The following SLC1A7 variants were observed in gnomAD, a reference collection of about 807,000 sequenced individuals.
SLC1A7 encodes the protein solute carrier family 1 member 7, also known as excitatory amino acid transporter 5.
SLC1A7 carries 40 observed loss-of-function variants against 47.7 expected under a neutral mutation model. The ratio of observed to expected loss-of-function variants is 0.84; its 90% CI spans 0.65 to 1.09. The LOEUF (loss-of-function observed/expected upper bound fraction) is 1.09, where lower values mean the gene tolerates loss of function less well. Ranked by LOEUF, SLC1A7 falls within the 50% of genes least tolerant of loss-of-function variation. The pLI, the probability that SLC1A7 is intolerant of heterozygous loss-of-function variation, is 0.00. For synonymous variants in SLC1A7, 323 were observed against 325.6 expected (o/e 0.99, Z 0.09); for missense variants, 746 against 769.5 (o/e 0.97, Z 0.36).
intron 2 of SLC1A7, among the ~76,000 whole-genome samples, chr1:53,117,777 G>A (rs1380445299): frequency 6.6e-6 from 1 of 152,222 alleles, no homozygotes; most frequent in East Asian, 1.9e-4. Context: ...TAACACGGGG[G>A]TGGCGCCAAC....
rs1029811932 is a variant in SLC1A7, at chr1:53,098,885, G to T, written c.697+4461C>A. ...TGCCTCATTACACTCACACTGCCTC[G>T]GTACACCCACACCACCGTAGTACAC... On this transcript the variant is annotated intron_variant, in intron 5 of 10. Transcript: ENST00000371494. Among the ~76,000 whole-genome samples, 4 of 142,570 alleles carry T rather than the reference G, an allele frequency of 2.8e-5. No homozygotes were observed. In the South Asian group the frequency reaches 6.9e-4, roughly 25 times the overall value. The allele number at this position is 142,570 out of a possible 152,430, so 93.5% of individuals were successfully genotyped here. A position where few individuals can be genotyped will look rare whatever the true frequency, so the allele number is the denominator to read the frequency against.
chr1:53,111,018 C>T lies in SLC1A7; in HGVS notation c.431+3740G>A, dbSNP rs563300170. Among the ~76,000 whole-genome samples the T allele has an allele frequency of 9.2e-5, 14 of 152,196 alleles. No homozygotes were observed. The Middle Eastern group carries it at 0.014, about 148-fold the overall frequency. The stretch of plus-strand genomic sequence containing the variant: ...CTAGGCTCCAGGATACAGCAGGGAA[C>T]GGAGGTTAAAGAGCCAGGCTTCACA... On this transcript the variant is annotated intron_variant, in intron 3 of 10. Coordinates refer to ENST00000371494, the MANE Select transcript of SLC1A7 (RefSeq NM_006671.6).
At chr1:53,119,348 T>C (rs540303573) in intron 2 of SLC1A7, among the ~76,000 whole-genome samples, 2 of 152,296 alleles carry the variant, frequency 1.3e-5, no homozygotes, top group South Asian at 4.2e-4. Context: ...GCTATGATTT[T>C]ATTTTTTATT....
chr1:53,094,905 T>A (rs548941934), intron 5 of SLC1A7, among the ~76,000 whole-genome samples: 4 of 152,176 alleles, frequency 2.6e-5, no homozygotes, highest in African/African-American at 7.2e-5. Flanking sequence ...ACCAGCCACA[T>A]CCCAGGGATG....
At chr1:53,117,752 G>A (rs762074358) in intron 2 of SLC1A7, among the ~76,000 whole-genome samples, 15 of 152,222 alleles carry the variant, frequency 9.9e-5, no homozygotes, top group South Asian at 4.1e-4. Context: ...GCCCCCCACC[G>A]GGGACGAAGA....
At chr1:53,115,045 C>T in intron 2 of SLC1A7, 72 bp from the exon 3 acceptor site, 2 of 1,176,512 alleles carry the variant, frequency 1.7e-6, no homozygotes, top group South Asian at 1.3e-5. Context: ...GCTCACTCAG[C>T]CCCTCCTGGC....
chr1:53,099,906 C>G (rs1038271426), intron 5 of SLC1A7, among the ~76,000 whole-genome samples: 2 of 150,256 alleles, frequency 1.3e-5, no homozygotes, highest in African/African-American at 4.9e-5. Context: ...CACCCCAACT[C>G]AGTACACTCA....
intron 3 of SLC1A7, among the ~76,000 whole-genome samples, chr1:53,106,650 A>G (rs1644645906): frequency 6.6e-6 from 1 of 151,936 alleles, no homozygotes; most frequent in Non-Finnish European, 1.5e-5. Context: ...ACAGCAGTCG[A>G]TGGAAAAGTC....
intron 2 of SLC1A7, among the ~76,000 whole-genome samples, chr1:53,116,860 T>G (rs766960884): frequency 1.2e-4 from 18 of 152,126 alleles, no homozygotes; most frequent in Non-Finnish European, 2.1e-4. Context: ...ACATGCCCAC[T>G]CCGTGCCATG....
At chr1:53,099,558 G>T (rs938923537) in intron 5 of SLC1A7, among the ~76,000 whole-genome samples, 1 of 82,026 alleles carries the variant, frequency 1.2e-5, no homozygotes, top group Non-Finnish European at 2.7e-5. Flanking sequence ...CCCTCACTTT[G>T]CCTCGGTACA....
At chr1:53,098,965 A>G (rs10465823) in intron 5 of SLC1A7, among the ~76,000 whole-genome samples, 30,725 of 149,190 alleles carry the variant, frequency 0.21, 3,239 homozygotes, top group Middle Eastern at 0.28. Flanking sequence ...ACCCTGCCTC[A>G]GTACACTCAT....
chr1:53,096,641 G>A lies in SLC1A7; in HGVS notation c.698-3081C>T, dbSNP rs60969807. Among the ~76,000 whole-genome samples the A allele has an allele frequency of 5.1e-4, 73 of 143,330 alleles. No homozygotes were observed. The East Asian group carries it at 0.014, about 27-fold the overall frequency. 94.0% of individuals were successfully genotyped at this position (143,330 alleles called of 152,430 possible). A position where few individuals can be genotyped will look rare whatever the true frequency, so the allele number is the denominator to read the frequency against. ...ACCACTTCAGTACACATACCACTTC[G>A]GTACACTCACACATCCACACACACT... On this transcript the variant is annotated intron_variant, in intron 5 of 10. Coordinates refer to ENST00000371494, the MANE Select transcript of SLC1A7 (RefSeq NM_006671.6).
intron 5 of SLC1A7, chr1:53,102,699 C>G (rs1644597108): frequency 6.6e-6 from 1 of 152,442 alleles, no homozygotes; most frequent in African/African-American, 2.4e-5. Context: ...TTCTAGGCAG[C>G]TTTCACAGGA....
chr1:53,114,724 C>A, intron 3 of SLC1A7, 34 bp downstream of exon 3: 3 of 1,590,426 alleles, frequency 1.9e-6, no homozygotes, highest in South Asian at 1.1e-5. Flanking sequence ...TCGGGCCTGG[C>A]GTTCCCAAGC....
rs978111084 is a variant in SLC1A7, at chr1:53,101,832, C to T, written c.697+1514G>A. Among the ~76,000 whole-genome samples, 59 of 149,698 alleles carry T rather than the reference C, an allele frequency of 3.9e-4. 1 individual carries two copies. Among genetic ancestry groups the T allele is most frequent in the African/African-American group, 1.3e-3 (52 of 40,548 alleles). On this transcript the variant is annotated intron_variant, in intron 5 of 10. Coordinates refer to ENST00000371494, the MANE Select transcript of SLC1A7 (RefSeq NM_006671.6). ...TACACACCGCCTCGGTACACTCACA[C>T]GCACACTCAGTACACTCACACGCCC...
At chr1:53,127,152 G>A (rs1644891801) in intron 2 of SLC1A7, among the ~76,000 whole-genome samples, 1 of 144,244 alleles carries the variant, frequency 6.9e-6, no homozygotes, top group African/African-American at 2.6e-5. Flanking sequence ...GTCCTCCAGG[G>A]CCCATACAAA....
chr1:53,121,132 A>T (rs1168907417), intron 2 of SLC1A7, among the ~76,000 whole-genome samples: 1 of 152,178 alleles, frequency 6.6e-6, no homozygotes, highest in Admixed American at 6.5e-5. Context: ...GTCCCAGCAG[A>T]CTGGAACTCC....
intron 2 of SLC1A7, among the ~76,000 whole-genome samples, chr1:53,129,957 A>G (rs1198239906): frequency 6.6e-6 from 1 of 152,144 alleles, no homozygotes; most frequent in African/African-American, 2.4e-5. Flanking sequence ...ACCCCTTGAC[A>G]GTGGCTTTCT....
chr1:53,097,994 C>T (rs1167618323), intron 5 of SLC1A7, among the ~76,000 whole-genome samples: 1 of 149,426 alleles, frequency 6.7e-6, no homozygotes, highest in African/African-American at 2.5e-5. Context: ...TACACTCACA[C>T]CACCTCGGTA....
Sources: allele counts gnomAD v4.1 joint callset (sites outside exome capture counted in the v4.1 genomes callset), GRCh38; gene constraint gnomAD v4.1.1; transcripts MANE v1.5; gene names NCBI Gene and HGNC (gene_info 2026-07-23, HGNC 2026-07-21).